PDE4D: variants seen among roughly 807,000 people sequenced by gnomAD.
PDE4D encodes phosphodiesterase 4D.
A neutral mutation model predicts 87.4 loss-of-function variants in PDE4D; 24 were observed. The ratio of observed to expected loss-of-function variants is 0.27; its 90% CI spans 0.20 to 0.39. PDE4D has a LOEUF of 0.39. Among genes scored for constraint, PDE4D ranks in the 10% least tolerant of loss-of-function variants. The pLI is 1.00. For missense variants in PDE4D, 714 were observed against 1,041.0 expected, an observed-to-expected ratio of 0.69 and a Z score of 4.32; for synonymous variants, 384 against 383.2, an observed-to-expected ratio of 1.00 and a Z score of -0.02.
chr5:60,042,661 G>A (rs1416943592), intron 2 of PDE4D, among the ~76,000 whole-genome samples: 3 of 152,208 alleles, frequency 2.0e-5, no homozygotes, highest in African/African-American at 7.2e-5. Flanking sequence ...AAGAGGGTCT[G>A]GAGTGGACAT....
At chr5:60,278,835 C>T (rs1309565578) in intron 1 of PDE4D, among the ~76,000 whole-genome samples, 7 of 152,038 alleles carry the variant, frequency 4.6e-5, no homozygotes, top group African/African-American at 7.2e-5. Flanking sequence ...CTCATTGAAG[C>T]GTTTTTATCA....
intron 2 of PDE4D, among the ~76,000 whole-genome samples, chr5:60,113,603 C>T (rs1196122078): frequency 1.3e-5 from 2 of 152,070 alleles, no homozygotes; most frequent in East Asian, 3.9e-4. Flanking sequence ...TTACAGACCC[C>T]CTGAGTCTCT....
chr5:59,678,139 TA>T lies in PDE4D; in HGVS notation c.455+215028del, dbSNP rs11403062. 1.4e-3 allele frequency among the ~76,000 whole-genome samples: 207 copies of T among 151,062 alleles called. 2 individuals are homozygous for T. Among genetic ancestry groups the T allele is most frequent in the Non-Finnish European group, 2.0e-3 (135 of 67,648 alleles). On this transcript the variant is annotated intron_variant, in intron 1 of 14. Transcript: ENST00000340635. The stretch of plus-strand genomic sequence containing the variant: ...ACCTTAAACTCAGTCTCAAAAAGAG[TA>T]AAAAAAAATGTCTTGGCTTGCTTTC...
chr5:60,489,240 G>C (rs1004436276), upstream of PDE4D, among the ~76,000 whole-genome samples: 1 of 152,160 alleles, frequency 6.6e-6, no homozygotes, highest in Non-Finnish European at 1.5e-5. Flanking sequence ...TTTGTAGCAA[G>C]TGTAACATTA....
intron 1 of PDE4D, among the ~76,000 whole-genome samples, chr5:59,463,458 C>T (rs144886176): frequency 3.1e-4 from 47 of 152,286 alleles, no homozygotes; most frequent in African/African-American, 1.1e-3. Flanking sequence ...ATTACTGATG[C>T]AAACCTGGTT....
At chr5:59,189,247 T>TG (rs1743697940) in intron 3 of PDE4D, among the ~76,000 whole-genome samples, 1 of 102,506 alleles carries the variant, frequency 9.8e-6, no homozygotes, top group East Asian at 2.2e-4. Context: ...TTTTTTTGTT[T>TG]TTTTTGTTTT....
At chr5:60,068,242 T>C (rs1178716288) in intron 2 of PDE4D, among the ~76,000 whole-genome samples, 2 of 152,158 alleles carry the variant, frequency 1.3e-5, no homozygotes, top group African/African-American at 4.8e-5. Context: ...TTTTCTGTTT[T>C]TTTTAACAGT....
chr5:59,184,877 G>A (rs1742528269), intron 4 of PDE4D, among the ~76,000 whole-genome samples: 1 of 152,102 alleles, frequency 6.6e-6, no homozygotes. Context: ...TTCACCCACG[G>A]TTAATTTATG....
Position 60,307,645 on chromosome 5 carries a change from C to T in PDE4D, c.-89-121958G>A, listed in dbSNP as rs561598010. Reference sequence around the variant, plus strand: ...AACTCTGTCTGCATTTACTAGTCAGCCCTTTCTTCCCCAACCTTTATTTAT... The same window carrying T: ...AACTCTGTCTGCATTTACTAGTCAGTCCTTTCTTCCCCAACCTTTATTTAT... On this transcript the variant is annotated intron_variant, in intron 1 of 16. Transcript: ENST00000502484. Among the ~76,000 whole-genome samples the T allele has an allele frequency of 8.6e-4, 130 of 151,964 alleles. 1 individual carries two copies. The highest frequency in any genetic ancestry group is 1.6e-3 in the Non-Finnish European group (106 of 67,998).
At chr5:60,209,752 G>T (rs1335674149) in intron 1 of PDE4D, among the ~76,000 whole-genome samples, 2 of 151,930 alleles carry the variant, frequency 1.3e-5, no homozygotes, top group African/African-American at 4.8e-5. Flanking sequence ...GGGAGAAAAG[G>T]AGGGAGAGGG....
intron 2 of PDE4D, among the ~76,000 whole-genome samples, chr5:60,096,294 A>C: frequency 6.6e-6 from 1 of 152,110 alleles, no homozygotes; most frequent in East Asian, 1.9e-4. Context: ...AAACCTGACA[A>C]AAACAAGCAA....
intron 1 of PDE4D, among the ~76,000 whole-genome samples, chr5:59,269,183 T>C (rs1763362919): frequency 6.6e-6 from 1 of 151,830 alleles, no homozygotes; most frequent in Non-Finnish European, 1.5e-5. Flanking sequence ...AAAAAGAGGG[T>C]GGAGAACCCC....
chr5:60,512,943 C>T (rs1750640091), intron 1 of PDE4D, among the ~76,000 whole-genome samples: 1 of 151,936 alleles, frequency 6.6e-6, no homozygotes, highest in Admixed American at 6.6e-5. Context: ...AACACATAAA[C>T]AGAAGTGTAT....
At chr5:60,201,259 G>T (rs2910824) in intron 1 of PDE4D, among the ~76,000 whole-genome samples, 149,283 of 149,284 alleles carry the variant, frequency 1, 74,641 homozygotes, top group Middle Eastern at 1. Flanking sequence ...TTAAGTAACT[G>T]GGTTGATTAC....
Position 60,080,918 on chromosome 5 carries a change from C to T in PDE4D, c.43-92201G>A, listed in dbSNP as rs192616929. Among the ~76,000 whole-genome samples, 18 of 152,256 alleles carry T rather than the reference C, an allele frequency of 1.2e-4. No homozygotes were observed. In the East Asian group the frequency reaches 2.9e-3, roughly 25 times the overall value. Reference sequence around the variant, plus strand: ...TAAAATGAGTTAGGGAGGAGTCCCTCCTTTTCAATTGTTTGGAATAGCTTC... The same window carrying T: ...TAAAATGAGTTAGGGAGGAGTCCCTTCTTTTCAATTGTTTGGAATAGCTTC... On this transcript the variant is annotated intron_variant, in intron 2 of 16. Transcript: ENST00000502484.
intron 1 of PDE4D, among the ~76,000 whole-genome samples, chr5:60,428,996 G>A (rs555404561): frequency 1.3e-5 from 2 of 152,310 alleles, no homozygotes; most frequent in Non-Finnish European, 2.9e-5. Flanking sequence ...ACACAGGATA[G>A]TTCCAGTTTA....
intron 1 of PDE4D, chr5:59,356,920 C>A: frequency 6.9e-7 from 1 of 1,450,218 alleles, no homozygotes; most frequent in East Asian, 2.6e-5. Context: ...GGCCCTGAGG[C>A]CCCGCACGGA....
In PDE4D at chr5:60,240,146, A is replaced by T. The variant is rs569862757; in HGVS notation, c.-89-54459T>A. Among the ~76,000 whole-genome samples the T allele has an allele frequency of 3.9e-5, 6 of 151,932 alleles. No homozygotes were observed. The South Asian group carries it at 1.2e-3, about 32-fold the overall frequency. On this transcript the variant is annotated intron_variant, in intron 1 of 16. Coordinates refer to the PDE4D transcript ENST00000502484. ...TTAATACACACATTTTTCTTTTATT[A>T]TACTTTATATTTGCTTTGCCTACTC...
intron 1 of PDE4D, among the ~76,000 whole-genome samples, chr5:60,390,648 A>T (rs1381336793): frequency 9.8e-5 from 6 of 61,002 alleles, no homozygotes; most frequent in African/African-American, 5.3e-4. Flanking sequence ...TGATAATTTA[A>T]AAAAAAAAAA....
Sources: allele counts gnomAD v4.1 joint callset (sites outside exome capture counted in the v4.1 genomes callset), GRCh38; gene constraint gnomAD v4.1.1; transcripts MANE v1.5; gene names NCBI Gene and HGNC (gene_info 2026-07-23, HGNC 2026-07-21).